CDC27: variants seen among roughly 807,000 people sequenced by gnomAD.
CDC27 encodes the protein cell division cycle protein 27 homolog.
In CDC27, 27 loss-of-function variants were observed where a neutral mutation model predicts 109.7. The observed-to-expected ratio is 0.25, with a 90% CI of 0.18 to 0.34. CDC27 has a LOEUF of 0.34. Among genes scored for constraint, CDC27 ranks in the 10% least tolerant of loss-of-function variants. The pLI is 1.00. For missense variants in CDC27, 579 were observed against 960.2 expected (o/e 0.60, Z 5.25); for synonymous variants, 266 against 333.9 (o/e 0.80, Z 2.22).
intron 9 of CDC27, among the ~76,000 whole-genome samples, chr17:47,146,239 G>A (rs1231592046): frequency 1.3e-5 from 2 of 152,162 alleles, no homozygotes; most frequent in Admixed American, 6.6e-5. Flanking sequence ...GACTCTGTGA[G>A]GTGCTCTAGC....
intron 2 of CDC27, among the ~76,000 whole-genome samples, chr17:47,176,460 T>C (rs1460670876): frequency 6.6e-6 from 1 of 152,224 alleles, no homozygotes; most frequent in East Asian, 1.9e-4. Flanking sequence ...AATAGTGCTC[T>C]TAAGTATTTT....
intron 2 of CDC27, among the ~76,000 whole-genome samples, chr17:47,176,924 T>A (rs1290898144): frequency 6.6e-6 from 1 of 152,226 alleles, no homozygotes; most frequent in Non-Finnish European, 1.5e-5. Flanking sequence ...AAGTTTTTTT[T>A]TATATGTTGC....
Position 47,122,324 on chromosome 17 carries a change from A to G in CDC27, c.2392+120T>C, listed in dbSNP as rs1377031764. ...TACATCACCCTGTTCAATTTCCCTA[A>G]AAGTCCATTTGGTATAATGAAAACA... On this transcript the variant is annotated intron_variant, in intron 18 of 18. Coordinates refer to ENST00000066544, the MANE Select transcript of CDC27 (RefSeq NM_001256.6). The G allele has an allele frequency of 4.8e-5, 30 of 628,770 alleles. No homozygotes were observed. The Admixed American group carries it at 9.3e-4, about 20-fold the overall frequency. The allele number at this position is 628,770 out of a possible 1,614,324, so 38.9% of individuals were successfully genotyped here.
At chr17:47,155,589 A>T (rs1385520255) in intron 7 of CDC27, among the ~76,000 whole-genome samples, 1 of 152,154 alleles carries the variant, frequency 6.6e-6, no homozygotes, top group African/African-American at 2.4e-5. Context: ...TTGGATATGT[A>T]TCCTCTGGGC....
At chr17:47,156,174 T>G (rs1384202556) in intron 7 of CDC27, among the ~76,000 whole-genome samples, 1 of 152,150 alleles carries the variant, frequency 6.6e-6, no homozygotes, top group African/African-American at 2.4e-5. Flanking sequence ...AGTCTTGCCC[T>G]GTCTCCCAGG....
chr17:47,184,818 T>C (rs1598620278), intron 1 of CDC27, among the ~76,000 whole-genome samples: 1 of 152,232 alleles, frequency 6.6e-6, no homozygotes, highest in South Asian at 2.1e-4. Context: ...TAGCTGATGA[T>C]GAACAGGGCT....
chr17:47,122,671 T>C, intron 17 of CDC27, 71 bp from the exon 18 acceptor site: 8 of 1,056,520 alleles, frequency 7.6e-6, no homozygotes, highest in Non-Finnish European at 1.0e-5. Flanking sequence ...TAACTATATA[T>C]ATACTTATTT....
intron 9 of CDC27, among the ~76,000 whole-genome samples, chr17:47,144,555 TTCAAACAGCTATA>T (rs1276691059): frequency 9.2e-5 from 14 of 152,174 alleles, no homozygotes. Flanking sequence ...TCCCTGTAAA[TTCAAACAGCTATA>T]TCAAAGGCTT....
At chr17:47,153,216 G>A (rs2063202123) in intron 8 of CDC27, among the ~76,000 whole-genome samples, 1 of 152,160 alleles carries the variant, frequency 6.6e-6, no homozygotes, top group Non-Finnish European at 1.5e-5. Flanking sequence ...GACTTTTCTG[G>A]GAATGTCTTG....
At position 47,133,062 on chromosome 17, in the gene CDC27, TACAC is replaced by T. The variant is rs200816984; in HGVS notation, c.1914-692_1914-689del. Reference sequence around the variant, plus strand: ...ACACACACACACACACACATACATATACACACACACACACACACACACAAACACA... The same window carrying T: ...ACACACACACACACACACATACATATACACACACACACACACACAAACACA... On this transcript the variant is annotated intron_variant, in intron 14 of 18. Transcript: ENST00000066544. Among the ~76,000 whole-genome samples, 115 of 73,700 alleles carry T rather than the reference TACAC, an allele frequency of 1.6e-3. 1 individual carries two copies. The highest frequency in any genetic ancestry group is 2.4e-3 in the Admixed American group (13 of 5,510). 48.4% of individuals were successfully genotyped at this position (73,700 alleles called of 152,430 possible). A position where few individuals can be genotyped will look rare whatever the true frequency, so the allele number is the denominator to read the frequency against.
chr17:47,146,933 C>T (rs961372876), intron 9 of CDC27, among the ~76,000 whole-genome samples: 18 of 151,970 alleles, frequency 1.2e-4, no homozygotes, highest in African/African-American at 1.7e-4. Flanking sequence ...ATATGTGGCA[C>T]GTGCCTATAG....
chr17:47,125,300 G>A (rs1410779126), intron 16 of CDC27, among the ~76,000 whole-genome samples: 11 of 130,996 alleles, frequency 8.4e-5, no homozygotes, highest in Admixed American at 8.0e-4. Flanking sequence ...AGGCTGGAGT[G>A]TGGTGTCGTG....
rs1320119723 is a variant in CDC27 at position 47,169,937 on chromosome 17, T to C, written c.357A>G (p.Ser119=). The C allele has an allele frequency of 6.3e-7, 1 of 1,595,684 alleles. No individual in the cohort carries two copies. The highest frequency in any genetic ancestry group is 1.1e-5 in the South Asian group (1 of 87,280). The change falls in exon 4 of 19, where the codon TCA becomes TCG. Residue 119 remains serine, a synonymous_variant. Coordinates refer to ENST00000066544, the MANE Select transcript of CDC27 (RefSeq NM_001256.6). ...CTTACCAATATACATGTCCCAACAA[T>C]GAAAGAGTAAAGCAAGCTGAATCAC... ...EFGDSACFTL[S]LLGHVYCKTD... is the part of the protein sequence containing the mutation.
At position 47,188,787 on chromosome 17, in the gene CDC27, G is replaced by C. The variant is rs1398909970; in HGVS notation, c.27+359C>G. 2.6e-6 allele frequency: 3 copies of C among 1,148,228 alleles called. No homozygotes were observed. The East Asian group carries it at 1.4e-4, about 55-fold the overall frequency. 71.1% of individuals were successfully genotyped at this position (1,148,228 alleles called of 1,614,324 possible). ...CAAGCTCCGATCAAATGTGCTTCTC[G>C]ATCATCTTTTAGGCAAGAGAGCGCT... On this transcript the variant is annotated intron_variant, in intron 1 of 18. Transcript: ENST00000066544.
At chr17:47,176,494 A>G (rs2064010993) in intron 2 of CDC27, among the ~76,000 whole-genome samples, 1 of 152,234 alleles carries the variant, frequency 6.6e-6, no homozygotes, top group Non-Finnish European at 1.5e-5. Flanking sequence ...GAGTAAAAAG[A>G]CCACAAATAA....
intron 2 of CDC27, among the ~76,000 whole-genome samples, chr17:47,176,911 A>C (rs2064035329): frequency 6.6e-6 from 1 of 151,992 alleles, no homozygotes; most frequent in Non-Finnish European, 1.5e-5. Flanking sequence ...CAATCTGGTA[A>C]ATAAGTTTTT....
chr17:47,175,685 G>T (rs2063979308), intron 2 of CDC27, among the ~76,000 whole-genome samples: 1 of 152,184 alleles, frequency 6.6e-6, no homozygotes, highest in Admixed American at 6.5e-5. Context: ...GCATAGTGGT[G>T]CATGTCTGTA....
In CDC27 at chr17:47,158,318, A is replaced by G; in HGVS notation, c.378-15T>C. 1 of 1,384,710 alleles carries G rather than the reference A, an allele frequency of 7.2e-7. No individual in the cohort carries two copies. Among genetic ancestry groups the G allele is most frequent in the Non-Finnish European group, 9.7e-7 (1 of 1,026,384 alleles). 85.8% of individuals were successfully genotyped at this position (1,384,710 alleles called of 1,614,324 possible). A position where few individuals can be genotyped will look rare whatever the true frequency, so the allele number is the denominator to read the frequency against. On this transcript the variant is annotated splice_polypyrimidine_tract_variant and intron_variant, in intron 4 of 18. Coordinates refer to ENST00000066544, the MANE Select transcript of CDC27 (RefSeq NM_001256.6). ...GATCTGTCTTGCTGTGGAGAGAAAC[A>G]AGTAGATTAAATAAGCTACAAACCC...
intron 14 of CDC27, among the ~76,000 whole-genome samples, chr17:47,133,169 G>C (rs1815003424): frequency 8.7e-6 from 1 of 114,530 alleles, no homozygotes; most frequent in Non-Finnish European, 1.8e-5. Context: ...ACAGAGTTTT[G>C]CTCTTGTTGC....
Sources: gnomAD v4.1 joint callset for allele counts (sites outside exome capture counted in the v4.1 genomes callset) on GRCh38, gnomAD v4.1.1 for gene constraint, MANE v1.5 for transcripts, NCBI Gene and HGNC (gene_info 2026-07-23, HGNC 2026-07-21) for gene names.